Variants in SHISA9 observed in about 807,000 individuals in gnomAD.
The protein encoded by SHISA9 is shisa family member 9.
In SHISA9, 13 loss-of-function variants were observed where a neutral mutation model predicts 38.0. The observed-to-expected ratio is 0.34, with a 90% CI of 0.22 to 0.54. The LOEUF is 0.54. Ranked by LOEUF, SHISA9 falls within the 20% of genes least tolerant of loss-of-function variation. SHISA9 has a pLI of 0.91. For missense variants in SHISA9, 538 were observed against 575.8 expected, an observed-to-expected ratio of 0.93 and a Z score of 0.67; for synonymous variants, 275 against 242.0, an observed-to-expected ratio of 1.14 and a Z score of -1.27.
intron 2 of SHISA9, among the ~76,000 whole-genome samples, chr16:12,940,128 G>C (rs769209872): frequency 6.6e-6 from 1 of 152,186 alleles, no homozygotes; most frequent in Non-Finnish European, 1.5e-5. Flanking sequence ...GGATGATCTT[G>C]AGGGGCAGAG....
intron 2 of SHISA9, among the ~76,000 whole-genome samples, chr16:12,990,244 A>T (rs569790834): frequency 2.0e-4 from 30 of 152,308 alleles, no homozygotes; most frequent in Middle Eastern, 6.8e-3. Context: ...CAGTGAACAT[A>T]CATGTGCATC....
At chr16:13,463,131 G>T in the SHISA9 span, among the ~76,000 whole-genome samples, 15 of 152,258 alleles carry the variant, frequency 9.9e-5, no homozygotes, top group Admixed American at 7.8e-4. Flanking sequence ...ACTCTGTTTT[G>T]TCTGGGTGAC....
the SHISA9 span, among the ~76,000 whole-genome samples, chr16:13,313,250 G>A: frequency 2.3e-5 from 1 of 44,160 alleles, no homozygotes; most frequent in Non-Finnish European, 5.2e-5. Flanking sequence ...GCGAGACTCC[G>A]TCTCAAAAAA....
intron 2 of SHISA9, among the ~76,000 whole-genome samples, chr16:13,062,851 TGTGCACCCAAGGAAA>T (rs1231635983): frequency 6.6e-6 from 1 of 152,118 alleles, no homozygotes; most frequent in Non-Finnish European, 1.5e-5. Context: ...CCCTGTAAGT[TGTGCACCCAAGGAAA>T]GTGGCTCACC....
chr16:13,401,068 T>G, the SHISA9 span, among the ~76,000 whole-genome samples: 5 of 152,156 alleles, frequency 3.3e-5, no homozygotes, highest in African/African-American at 1.2e-4. Context: ...CAGACTCTGA[T>G]CCCACCTTGG....
chr16:12,977,633 A>G (rs1422668684), intron 2 of SHISA9, among the ~76,000 whole-genome samples: 6 of 152,234 alleles, frequency 3.9e-5, no homozygotes, highest in Admixed American at 2.0e-4. Context: ...AATACTATGC[A>G]GCCATAAAAA....
chr16:13,216,443 T>C (rs1268803643), intron 4 of SHISA9, among the ~76,000 whole-genome samples: 1 of 152,216 alleles, frequency 6.6e-6, no homozygotes, highest in Non-Finnish European at 1.5e-5. Flanking sequence ...TCATTACTGG[T>C]ATTAGTAGTA....
chr16:13,335,003 G>A, the SHISA9 span, among the ~76,000 whole-genome samples: 1 of 152,134 alleles, frequency 6.6e-6, no homozygotes, highest in African/African-American at 2.4e-5. Context: ...TTTGGTTCTG[G>A]TAACTTTTCA....
the SHISA9 span, among the ~76,000 whole-genome samples, chr16:13,456,622 TG>T: frequency 6.6e-6 from 1 of 152,226 alleles, no homozygotes; most frequent in African/African-American, 2.4e-5. Context: ...TTTGTTTGCC[TG>T]AGGGTCTTGG....
chr16:13,517,352 T>TCTAAGCCAA, the SHISA9 span, among the ~76,000 whole-genome samples: 8 of 152,192 alleles, frequency 5.3e-5, no homozygotes, highest in East Asian at 5.8e-4. Flanking sequence ...AAATCATTAT[T>TCTAAGCCAA]CTAAGCCATC....
At position 13,003,876 on chromosome 16, in the gene SHISA9, A is replaced by AT. The variant is rs1186057216; in HGVS notation, c.691+87062dup. 6.4e-3 allele frequency among the ~76,000 whole-genome samples: 925 copies of AT among 143,552 alleles called. 10 individuals carry two copies. Among genetic ancestry groups the AT allele is most frequent in the African/African-American group, 0.023 (877 of 37,366 alleles). 94.2% of individuals were successfully genotyped at this position (143,552 alleles called of 152,430 possible). A position where few individuals can be genotyped will look rare whatever the true frequency, so the allele number is the denominator to read the frequency against. ...CCGTCTCAAAATAATAATAATAATA[A>AT]TAATAATAATAATAAGAAGAAGAAG... On this transcript the variant is annotated intron_variant, in intron 2 of 4. Transcript: ENST00000558583.
At chr16:13,339,410 G>T in the SHISA9 span, among the ~76,000 whole-genome samples, 1 of 152,092 alleles carries the variant, frequency 6.6e-6, no homozygotes, top group Non-Finnish European at 1.5e-5. Context: ...ACTTGGATTT[G>T]AATCAGGATT....
At chr16:13,552,631 A>G in the SHISA9 span, among the ~76,000 whole-genome samples, 2 of 152,208 alleles carry the variant, frequency 1.3e-5, no homozygotes, top group African/African-American at 2.4e-5. Context: ...GTCACAACGG[A>G]TGACGCTGCT....
chr16:12,938,965 C>A (rs1596539605), intron 2 of SHISA9, among the ~76,000 whole-genome samples: 1 of 152,246 alleles, frequency 6.6e-6, no homozygotes, highest in East Asian at 1.9e-4. Context: ...TCCAAGTAAG[C>A]ATTGAGGGTG....
At chr16:13,269,227 C>A in the SHISA9 span, among the ~76,000 whole-genome samples, 1 of 152,166 alleles carries the variant, frequency 6.6e-6, no homozygotes, top group South Asian at 2.1e-4. Flanking sequence ...TCCTTTTAGA[C>A]TATATAGCAT....
At chr16:13,070,021 G>A (rs73518740) in intron 2 of SHISA9, among the ~76,000 whole-genome samples, 3,085 of 152,152 alleles carry the variant, frequency 0.02, 114 homozygotes, top group African/African-American at 0.071. Flanking sequence ...AGCAGCTCAC[G>A]TGGACTAAGA....
chr16:13,467,214 GA>G, the SHISA9 span, among the ~76,000 whole-genome samples: 5 of 152,086 alleles, frequency 3.3e-5, no homozygotes, highest in Non-Finnish European at 4.4e-5. Flanking sequence ...ACTGAGAGAG[GA>G]AGACTCGCCT....
rs58365720 is a variant in SHISA9, at chr16:13,197,104, TAC to T, written c.692-6258_692-6257del. Among the ~76,000 whole-genome samples the T allele has an allele frequency of 4.9e-3, 520 of 106,220 alleles. 1 individual carries two copies. The highest frequency in any genetic ancestry group is 8.3e-3 in the African/African-American group (193 of 23,208). 69.7% of individuals were successfully genotyped at this position (106,220 alleles called of 152,430 possible). ...GAAACTGTATCTCTCTCTCTGTACA[TAC>T]ACACACACACACACACACACACACA... On this transcript the variant is annotated intron_variant, in intron 2 of 4. Coordinates refer to ENST00000558583, the MANE Select transcript of SHISA9 (RefSeq NM_001145204.3).
chr16:13,562,466 C>A, the SHISA9 span, among the ~76,000 whole-genome samples: 1 of 151,924 alleles, frequency 6.6e-6, no homozygotes, highest in African/African-American at 2.4e-5. Context: ...CCCATCTCTA[C>A]TAAAAATACA....
Sources: allele counts gnomAD v4.1 joint callset (sites outside exome capture counted in the v4.1 genomes callset), GRCh38; gene constraint gnomAD v4.1.1; transcripts MANE v1.5; gene names NCBI Gene and HGNC (gene_info 2026-07-23, HGNC 2026-07-21).